Variants in ACSBG2 observed in about 807,000 individuals in gnomAD.
The protein encoded by ACSBG2 is long-chain-fatty-acid--CoA ligase ACSBG2.
ACSBG2 carries 62 observed loss-of-function variants against 74.7 expected under a neutral mutation model. That is an observed-to-expected ratio of 0.83 (90% CI 0.68 to 1.03). The LOEUF is 1.03. Among genes scored for constraint, ACSBG2 ranks in the 50% least tolerant of loss-of-function variants. The pLI is 0.00. For missense variants in ACSBG2, 730 were observed against 817.6 expected, an observed-to-expected ratio of 0.89 and a Z score of 1.31; for synonymous variants, 309 against 294.1, an observed-to-expected ratio of 1.05 and a Z score of -0.52.
intron 1 of ACSBG2, among the ~76,000 whole-genome samples, chr19:6,141,303 T>C (rs2088820104): frequency 6.6e-6 from 1 of 152,152 alleles, no homozygotes; most frequent in Non-Finnish European, 1.5e-5. Flanking sequence ...GAGACTCTTC[T>C]GTAAACTCAC....
intron 14 of ACSBG2, chr19:6,191,280 A>C (rs2090556448): frequency 6.6e-6 from 1 of 151,814 alleles, no homozygotes; most frequent in South Asian, 2.1e-4. Context: ...CAGTGCAGGC[A>C]GAAAGTAGAA....
At chr19:6,171,080 C>T (rs1485311600) in intron 7 of ACSBG2, among the ~76,000 whole-genome samples, 2 of 151,966 alleles carry the variant, frequency 1.3e-5, no homozygotes, top group South Asian at 2.1e-4. Flanking sequence ...AGATCTTTCT[C>T]CATCCCTTTA....
At chr19:6,166,147 C>T (rs1047628947) in intron 7 of ACSBG2, 132 bp downstream of exon 7, 12 of 1,147,072 alleles carry the variant, frequency 1.0e-5, no homozygotes, top group African/African-American at 3.1e-5. Context: ...TAGAGAGTAG[C>T]GTAGTTGCTT....
intron 7 of ACSBG2, among the ~76,000 whole-genome samples, chr19:6,166,891 G>A (rs569508367): frequency 5.3e-5 from 8 of 151,974 alleles, no homozygotes; most frequent in African/African-American, 1.2e-4. Context: ...TGCCTGCCTC[G>A]GCCTCCCAAA....
Position 6,162,094 on chromosome 19 carries a change from C to T in ACSBG2, c.588+799C>T, listed in dbSNP as rs578081369. 3.3e-5 allele frequency among the ~76,000 whole-genome samples: 5 copies of T among 151,810 alleles called. No individual in the cohort carries two copies. The South Asian group carries it at 1.0e-3, about 32-fold the overall frequency. On this transcript the variant is annotated intron_variant, in intron 6 of 14. Coordinates refer to ENST00000588485, the MANE Select transcript of ACSBG2 (RefSeq NM_030924.5). ...CATCCTGGTCAACATGGTGAAACAC[C>T]GTCTCTACTAAAAATACAAAAATTA...
chr19:6,161,538 G>A (rs890562570), intron 6 of ACSBG2: 4 of 418,912 alleles, frequency 9.5e-6, no homozygotes, highest in African/African-American at 6.1e-5. Context: ...GAGGGAGGGG[G>A]TGTGACCTTA....
intron 10 of ACSBG2, 140 bp from the exon 11 acceptor site, chr19:6,185,296 C>G: frequency 1.0e-5 from 8 of 789,032 alleles, no homozygotes; most frequent in African/African-American, 1.7e-5. Flanking sequence ...GCAGCAAACA[C>G]CTCCTTCTGT....
At position 6,147,569 on chromosome 19, in the gene ACSBG2, T is replaced by G. The variant is rs2089080797; in HGVS notation, c.191T>G (p.Phe64Cys). 1 of 1,614,214 alleles carries G rather than the reference T, an allele frequency of 6.2e-7. No individual in the cohort carries two copies. The highest frequency in any genetic ancestry group is 8.5e-7 in the Non-Finnish European group (1 of 1,180,044). Residue 64 changes from phenylalanine to cysteine, a missense_variant, in exon 3 of 15, where the codon TTT (phenylalanine) becomes TGT (cysteine). Coordinates refer to ENST00000588485, the MANE Select transcript of ACSBG2 (RefSeq NM_030924.5). Reference sequence around the variant, plus strand: ...TTTTTTCGAGAGTCAGTCAACCGATTTGGAACTTATCCAGCCCTCGCATCC... The same window carrying G: ...TTTTTTCGAGAGTCAGTCAACCGATGTGGAACTTATCCAGCCCTCGCATCC... ...PEFFRESVNR[F>C]GTYPALASKN...
rs533506505 is a variant in ACSBG2 at position 6,188,662 on chromosome 19, G to A, written c.1927+817G>A. Among the ~76,000 whole-genome samples the A allele has an allele frequency of 1.3e-4, 20 of 152,212 alleles. 1 individual carries two copies. Among genetic ancestry groups the A allele is most frequent in the African/African-American group, 4.6e-4 (19 of 41,538 alleles). The stretch of plus-strand genomic sequence containing the variant: ...AAACAAACAAACAAAAATAAAAAAG[G>A]AAATTAAATTCCCTTGCAGGGAAGC... On this transcript the variant is annotated intron_variant, in intron 13 of 14. Transcript: ENST00000588485.
chr19:6,151,865 T>C (rs2089252468), intron 4 of ACSBG2, 70 bp downstream of exon 4: 21 of 1,438,998 alleles, frequency 1.5e-5, no homozygotes, highest in Non-Finnish European at 1.9e-5. Flanking sequence ...CCCCTGGGCT[T>C]GTCCAGTGTG....
intron 5 of ACSBG2, among the ~76,000 whole-genome samples, chr19:6,159,088 G>C (rs2089522590): frequency 1.3e-5 from 2 of 152,042 alleles, no homozygotes; most frequent in Admixed American, 6.6e-5. Flanking sequence ...CTCCCAAGTA[G>C]CTGGGACTAC....
intron 6 of ACSBG2, among the ~76,000 whole-genome samples, chr19:6,163,602 G>A (rs1048326689): frequency 1.3e-5 from 2 of 151,386 alleles, no homozygotes; most frequent in East Asian, 3.9e-4. Context: ...TTAGCCGGGC[G>A]TGGTGGCACG....
chr19:6,170,975 C>CT lies in ACSBG2; in HGVS notation c.738+4971dup, dbSNP rs113309896. On this transcript the variant is annotated intron_variant, in intron 7 of 14. Coordinates refer to ENST00000588485, the MANE Select transcript of ACSBG2 (RefSeq NM_030924.5). ...ATCATTATATAATGCCTTTCTTTGT[C>CT]TTTTTTTTTTTCTTAACTGTCATTA... is the stretch of plus-strand genomic sequence containing the variant. 4.1e-3 allele frequency among the ~76,000 whole-genome samples: 595 copies of CT among 145,804 alleles called. 4 individuals carry two copies. Among genetic ancestry groups the CT allele is most frequent in the Non-Finnish European group, 5.3e-3 (348 of 65,800 alleles).
In ACSBG2 at chr19:6,154,489, C is replaced by T. The variant is rs571034145; in HGVS notation, c.387-1942C>T. Among the ~76,000 whole-genome samples, 1,178 of 143,096 alleles carry T rather than the reference C, an allele frequency of 8.2e-3. 12 individuals carry two copies. The highest frequency in any genetic ancestry group is 0.029 in the African/African-American group (1,128 of 39,152). The allele number at this position is 143,096 out of a possible 152,430, so 93.9% of individuals were successfully genotyped here. Reference sequence around the variant, plus strand: ...TACATATAATAAATAATATATAATACATATAATAATATATAATATATTATA... The same window carrying T: ...TACATATAATAAATAATATATAATATATATAATAATATATAATATATTATA... On this transcript the variant is annotated intron_variant, in intron 4 of 14. Coordinates refer to ENST00000588485, the MANE Select transcript of ACSBG2 (RefSeq NM_030924.5).
chr19:6,165,895 T>C lies in ACSBG2; in HGVS notation c.618T>C (p.Ser206=), dbSNP rs756957084. The change falls in exon 7 of 15, where the codon AGT becomes AGC. Residue 206 remains serine, a synonymous_variant. Transcript: ENST00000588485. ...SWDDFMELGR[S]IPDTQLEQVI... The stretch of plus-strand genomic sequence containing the variant: ...ATGATTTCATGGAACTTGGCAGAAG[T>C]ATCCCTGACACCCAACTGGAGCAGG... 3 of 1,614,130 alleles carry C rather than the reference T, an allele frequency of 1.9e-6. No individual in the cohort carries two copies. The highest frequency in any genetic ancestry group is 2.5e-6 in the Non-Finnish European group (3 of 1,179,992).
chr19:6,162,264 C>CAAAA (rs57505930), intron 6 of ACSBG2, among the ~76,000 whole-genome samples: 3 of 62,872 alleles, frequency 4.8e-5, no homozygotes, highest in South Asian at 6.9e-4. Flanking sequence ...GACTCTGTCT[C>CAAAA]AAAAAAAAAA....
rs181904936 is a variant in ACSBG2 at position 6,144,081 on chromosome 19, T to C, written c.67+2471T>C. On this transcript the variant is annotated intron_variant, in intron 2 of 14. Transcript: ENST00000588485. ...GGTGCGATCTTGGCTCACTGCAATC[T>C]CCACCTCCCGGGTTCAAGCGATTCT... Among the ~76,000 whole-genome samples, 1,253 of 152,308 alleles carry C rather than the reference T, an allele frequency of 8.2e-3. 9 individuals are homozygous for C. The highest frequency in any genetic ancestry group is 0.012 in the East Asian group (63 of 5,182).
chr19:6,150,696 G>T (rs1458441945), intron 3 of ACSBG2, among the ~76,000 whole-genome samples: 1 of 152,164 alleles, frequency 6.6e-6, no homozygotes, highest in East Asian at 1.9e-4. Flanking sequence ...CTGGGGAAGG[G>T]GATAGAGAGT....
At chr19:6,152,769 C>A (rs192108490) in intron 4 of ACSBG2, among the ~76,000 whole-genome samples, 1 of 151,926 alleles carries the variant, frequency 6.6e-6, no homozygotes, top group African/African-American at 2.4e-5. Context: ...GGCAAAAAGT[C>A]GGGGACAACC....
Sources: allele counts gnomAD v4.1 joint callset (sites outside exome capture counted in the v4.1 genomes callset), GRCh38; gene constraint gnomAD v4.1.1; transcripts MANE v1.5; gene names NCBI Gene and HGNC (gene_info 2026-07-23, HGNC 2026-07-21).